RASA1: variants seen among roughly 807,000 people sequenced by gnomAD.
The protein encoded by RASA1 is ras GTPase-activating protein 1.
Under a neutral mutation model 132.2 loss-of-function variants are expected in RASA1, and 25 were observed. The observed-to-expected ratio is 0.19, with a 90% confidence interval of 0.14 to 0.26. The LOEUF (loss-of-function observed/expected upper bound fraction) is 0.26, where lower values mean the gene tolerates loss of function less well. Among genes scored for constraint, RASA1 ranks in the 10% least tolerant of loss-of-function variants. The pLI is 1.00. For synonymous variants in RASA1, 477 were observed against 449.9 expected, an observed-to-expected ratio of 1.06 and a Z score of -0.76; for missense variants, 964 against 1,299.2, an observed-to-expected ratio of 0.74 and a Z score of 3.97.
chr5:87,332,702 T>C (rs1757686493), intron 3 of RASA1, 60 bp downstream of exon 3: 3 of 1,465,134 alleles, frequency 2.0e-6, no homozygotes, highest in African/African-American at 2.8e-5. Flanking sequence ...ATAATGGTTT[T>C]AGCTATTGCT....
intron 1 of RASA1, among the ~76,000 whole-genome samples, chr5:87,289,455 T>C (rs1580205142): frequency 6.6e-6 from 1 of 152,140 alleles, no homozygotes; most frequent in African/African-American, 2.4e-5. Context: ...TACTGTAAAA[T>C]GGTGGTTTTT....
intron 17 of RASA1, 109 bp from the exon 18 acceptor site, chr5:87,378,287 C>A: frequency 7.7e-7 from 1 of 1,302,630 alleles, no homozygotes; most frequent in Non-Finnish European, 1.1e-6. Context: ...GCAAAAAGCA[C>A]ATTTAAGTGG....
intron 9 of RASA1, among the ~76,000 whole-genome samples, chr5:87,361,843 A>G (rs889555358): frequency 1.7e-4 from 26 of 151,212 alleles, no homozygotes; most frequent in Admixed American, 3.3e-4. Flanking sequence ...TTAGTTTTAT[A>G]CATTTTTTTT....
At chr5:87,307,261 C>T (rs560439691) in intron 1 of RASA1, among the ~76,000 whole-genome samples, 4 of 152,228 alleles carry the variant, frequency 2.6e-5, no homozygotes, top group Non-Finnish European at 5.9e-5. Context: ...ACAGGTATAA[C>T]TTTTCTGTAT....
At chr5:87,369,719 T>C in intron 11 of RASA1, 94 bp from the exon 12 acceptor site, 1 of 805,246 alleles carries the variant, frequency 1.2e-6, no homozygotes, top group African/African-American at 1.7e-5. Flanking sequence ...TATAATTTTA[T>C]GTTAATTATT....
At chr5:87,336,836 T>C (rs755124843) in intron 4 of RASA1, among the ~76,000 whole-genome samples, 2 of 152,038 alleles carry the variant, frequency 1.3e-5, no homozygotes, top group Non-Finnish European at 2.9e-5. Context: ...TAGTGAAATA[T>C]TGGCCATCAT....
chr5:87,271,449 CTTCTTTTTTTT>C lies in RASA1; in HGVS notation c.539+2462_539+2472del, dbSNP rs1439039725. Among the ~76,000 whole-genome samples the C allele has an allele frequency of 1.2e-3, 82 of 67,488 alleles. 2 individuals are homozygous for C. Among genetic ancestry groups the C allele is most frequent in the African/African-American group, 4.8e-3 (73 of 15,286 alleles). The allele number at this position is 67,488 out of a possible 152,430, so 44.3% of individuals were successfully genotyped here. ...GTTAAAAAAAACTGTTTTTAGTAGA[CTTCTTTTTTTT>C]TTTTTTTTTTTTTTTTTTTTTTTTG... On this transcript the variant is annotated intron_variant, in intron 1 of 24. Coordinates refer to ENST00000274376, the MANE Select transcript of RASA1 (RefSeq NM_002890.3).
At chr5:87,377,499 TTTTTA>T (rs1471547700) in intron 17 of RASA1, among the ~76,000 whole-genome samples, 3 of 151,964 alleles carry the variant, frequency 2.0e-5, no homozygotes, top group Non-Finnish European at 2.9e-5. Context: ...CCCAGCTAAT[TTTTTA>T]TTTTATTTTT....
At chr5:87,379,451 A>G (rs1761553356) in intron 18 of RASA1, among the ~76,000 whole-genome samples, 1 of 152,222 alleles carries the variant, frequency 6.6e-6, no homozygotes, top group Non-Finnish European at 1.5e-5. Context: ...AGCCTCATTC[A>G]GAAAAGCTTT....
chr5:87,378,409 C>G lies in RASA1; in HGVS notation c.2358C>G (p.Thr786=), dbSNP rs1417812670. The G allele has an allele frequency of 1.2e-6, 2 of 1,613,298 alleles. No individual in the cohort carries two copies. The highest frequency in any genetic ancestry group is 1.7e-6 in the Non-Finnish European group (2 of 1,179,502). The change falls in exon 18 of 25, where the codon ACC becomes ACG. Residue 786 remains threonine, a synonymous_variant. Transcript: ENST00000274376. ...REISMEDEAT[T]LFRATTLAST... The stretch of plus-strand genomic sequence containing the variant: ...ATATTTGTGTAGATGAAGCCACTAC[C>G]CTATTTCGAGCCACAACACTTGCAA...
At chr5:87,291,597 G>C (rs963840197) in intron 1 of RASA1, among the ~76,000 whole-genome samples, 1 of 152,170 alleles carries the variant, frequency 6.6e-6, no homozygotes, top group Non-Finnish European at 1.5e-5. Context: ...CCTGGTGAGA[G>C]GGGTTTGGGT....
intron 20 of RASA1, among the ~76,000 whole-genome samples, chr5:87,383,220 A>G (rs1030262052): frequency 2.0e-5 from 3 of 152,222 alleles, no homozygotes; most frequent in African/African-American, 7.2e-5. Flanking sequence ...ATCATCAACA[A>G]AATCAATGCA....
chr5:87,355,572 ATTG>A (rs1759591252), intron 9 of RASA1, among the ~76,000 whole-genome samples: 1 of 152,206 alleles, frequency 6.6e-6, no homozygotes, highest in African/African-American at 2.4e-5. Flanking sequence ...GTACAAGGAG[ATTG>A]TTGTTTTCAT....
chr5:87,278,147 A>G (rs1255231558), intron 1 of RASA1, among the ~76,000 whole-genome samples: 1 of 152,180 alleles, frequency 6.6e-6, no homozygotes, highest in Admixed American at 6.5e-5. Flanking sequence ...GTAACGATAG[A>G]CCGTATCTCA....
intron 1 of RASA1, among the ~76,000 whole-genome samples, chr5:87,278,272 C>T (rs769596034): frequency 3.3e-5 from 5 of 151,770 alleles, no homozygotes; most frequent in South Asian, 2.1e-4. Context: ...ATGGGCCGGG[C>T]GCAGTGGCTC....
intron 1 of RASA1, among the ~76,000 whole-genome samples, chr5:87,279,326 A>G (rs1247328824): frequency 1.3e-5 from 2 of 152,202 alleles, no homozygotes; most frequent in Non-Finnish European, 2.9e-5. Context: ...AAGTTGAAGT[A>G]TCAATATTTT....
At chr5:87,378,270 G>A (rs545972672) in intron 17 of RASA1, 126 bp from the exon 18 acceptor site, 31 of 1,071,990 alleles carry the variant, frequency 2.9e-5, no homozygotes, top group African/African-American at 2.5e-4. Context: ...TACTTTCAAC[G>A]CTGCACGCAA....
chr5:87,270,110 C>T (rs114597510), intron 1 of RASA1, among the ~76,000 whole-genome samples: 3,168 of 151,456 alleles, frequency 0.021, 107 homozygotes, highest in African/African-American at 0.072. Context: ...GACGCGGTGG[C>T]ACGCGCCTAT....
chr5:87,369,294 G>C (rs1416559206), intron 11 of RASA1, among the ~76,000 whole-genome samples: 1 of 152,120 alleles, frequency 6.6e-6, no homozygotes, highest in Non-Finnish European at 1.5e-5. Context: ...AAGAACATTT[G>C]TTGTACACAA....
Sources: gnomAD v4.1 joint callset for allele counts (sites outside exome capture counted in the v4.1 genomes callset) on GRCh38, gnomAD v4.1.1 for gene constraint, MANE v1.5 for transcripts, NCBI Gene and HGNC (gene_info 2026-07-23, HGNC 2026-07-21) for gene names.